NAV2: variants seen among roughly 807,000 people sequenced by gnomAD.
The protein encoded by NAV2 is neuron navigator 2, also known as helicase, APC down-regulated 1.
In NAV2, 54 loss-of-function variants were observed where a neutral mutation model predicts 223.2. The observed-to-expected ratio is 0.24, with a 90% CI of 0.19 to 0.30. The LOEUF (loss-of-function observed/expected upper bound fraction) is 0.30. Ranked by LOEUF, NAV2 falls within the 10% of genes least tolerant of loss-of-function variation. The pLI is 1.00. For missense variants in NAV2, 2,806 were observed against 3,147.5 expected (o/e 0.89, Z 2.60); for synonymous variants, 1,279 against 1,239.3 (o/e 1.03, Z -0.67).
chr11:19,477,435 A>T (rs1425024031), intron 1 of NAV2, among the ~76,000 whole-genome samples: 1 of 152,192 alleles, frequency 6.6e-6, no homozygotes, highest in Admixed American at 6.5e-5. Context: ...CTGAGGTATA[A>T]GTTCCTACCT....
chr11:19,790,566 C>T (rs2152723652), intron 1 of NAV2, among the ~76,000 whole-genome samples: 1 of 152,312 alleles, frequency 6.6e-6, no homozygotes, highest in Admixed American at 6.5e-5. Flanking sequence ...GAAACTGCTG[C>T]TTATTAGCTG....
At chr11:19,378,506 C>T (rs1486542045) in intron 1 of NAV2, among the ~76,000 whole-genome samples, 2 of 151,858 alleles carry the variant, frequency 1.3e-5, no homozygotes, top group Non-Finnish European at 2.9e-5. Flanking sequence ...ACGGAATCAG[C>T]GCGCACCCTT....
intron 36 of NAV2, among the ~76,000 whole-genome samples, chr11:20,112,508 T>C (rs2062720345): frequency 6.6e-6 from 1 of 152,074 alleles, no homozygotes; most frequent in Non-Finnish European, 1.5e-5. Context: ...AAATCATAGC[T>C]AGAGGTCCCA....
rs560137665 is a variant in NAV2, at chr11:19,892,365, G to C, written c.771-69G>C. On this transcript the variant is annotated intron_variant, in intron 5 of 37. Coordinates refer to ENST00000349880, the MANE Select transcript of NAV2 (RefSeq NM_145117.5). ...TTCTTTTGCCTCCTGCATGGTTGCA[G>C]TTCCTTCTTCCTACACACTGTTATT... The C allele has an allele frequency of 1.1e-5, 17 of 1,486,938 alleles. No individual in the cohort carries two copies. In the African/African-American group the frequency reaches 2.2e-4, roughly 19 times the overall value. 92.1% of individuals were successfully genotyped at this position (1,486,938 alleles called of 1,614,324 possible). A position where few individuals can be genotyped will look rare whatever the true frequency, so the allele number is the denominator to read the frequency against.
chr11:19,669,413 T>C (rs1443004277), intron 1 of NAV2, among the ~76,000 whole-genome samples: 1 of 152,250 alleles, frequency 6.6e-6, no homozygotes, highest in Non-Finnish European at 1.5e-5. Context: ...GTTGGGCAAG[T>C]GACTTACCCT....
intron 1 of NAV2, among the ~76,000 whole-genome samples, chr11:19,491,717 C>T (rs1248067605): frequency 2.0e-5 from 3 of 152,204 alleles, no homozygotes; most frequent in Non-Finnish European, 2.9e-5. Context: ...ACACTTTTAA[C>T]TTCCTTCAAA....
intron 12 of NAV2, among the ~76,000 whole-genome samples, chr11:20,037,888 C>A (rs2056542575): frequency 6.7e-6 from 1 of 149,098 alleles, no homozygotes; most frequent in Non-Finnish European, 1.5e-5. Context: ...TAAGAACAAC[C>A]AGACTGTCCT....
chr11:19,361,715 T>C (rs566930829), intron 1 of NAV2, among the ~76,000 whole-genome samples: 2 of 152,250 alleles, frequency 1.3e-5, no homozygotes, highest in Admixed American at 1.3e-4. Context: ...GGGCCTGCCA[T>C]AGGACAGCAA....
At chr11:19,741,582 C>T (rs1312680109) in intron 1 of NAV2, among the ~76,000 whole-genome samples, 2 of 148,358 alleles carry the variant, frequency 1.3e-5, no homozygotes, top group Non-Finnish European at 3.0e-5. Context: ...TTCACTTAGC[C>T]TAATGTCCTG....
At chr11:19,720,683 G>T (rs902238600) in intron 1 of NAV2, among the ~76,000 whole-genome samples, 1 of 152,152 alleles carries the variant, frequency 6.6e-6, no homozygotes, top group Non-Finnish European at 1.5e-5. Context: ...CACGGATATC[G>T]ATTGAGCACA....
intron 1 of NAV2, among the ~76,000 whole-genome samples, chr11:19,586,693 G>A (rs1208992720): frequency 1.3e-5 from 2 of 152,186 alleles, no homozygotes; most frequent in African/African-American, 4.8e-5. Context: ...GCAGAACAGC[G>A]AATATTGCAG....
rs1555083741 is a variant in NAV2, at chr11:19,831,227, G to GGC, written c.268-1256_268-1255insCG. Among the ~76,000 whole-genome samples the GGC allele has an allele frequency of 5.4e-4, 61 of 112,038 alleles. 5 individuals are homozygous for GGC. Among genetic ancestry groups the GGC allele is most frequent in the African/African-American group, 2.3e-3 (60 of 26,614 alleles). 73.5% of individuals were successfully genotyped at this position (112,038 alleles called of 152,430 possible). The stretch of plus-strand genomic sequence containing the variant: ...GTTCCCATTCCAGGAGTGTTGCGGG[G>GGC]GGGGGGGGGGCGCGATGGGGAGTGG... On this transcript the variant is annotated intron_variant, in intron 1 of 37. Coordinates refer to ENST00000349880, the MANE Select transcript of NAV2 (RefSeq NM_145117.5).
chr11:20,028,467 T>A (rs115740880), intron 11 of NAV2, among the ~76,000 whole-genome samples: 196 of 152,308 alleles, frequency 1.3e-3, no homozygotes, highest in African/African-American at 4.3e-3. Context: ...AAATGCTACA[T>A]GTTGGCCAAA....
chr11:19,882,024 G>A (rs932114162), intron 5 of NAV2, among the ~76,000 whole-genome samples: 21 of 152,182 alleles, frequency 1.4e-4, no homozygotes, highest in Admixed American at 5.2e-4. Context: ...CTCAGGCCCC[G>A]TCATAGAGTA....
At chr11:19,502,972 G>T (rs1051443562) in intron 1 of NAV2, 9 of 152,168 alleles carry the variant, frequency 5.9e-5, no homozygotes, top group African/African-American at 2.2e-4. Context: ...CCAGGAGATG[G>T]GACCTGGACT....
intron 1 of NAV2, among the ~76,000 whole-genome samples, chr11:19,584,315 T>C (rs963250580): frequency 2.0e-5 from 3 of 152,176 alleles, no homozygotes; most frequent in Non-Finnish European, 4.4e-5. Flanking sequence ...TTTATTGATC[T>C]TTGCAAAAAA....
At chr11:19,862,146 A>T (rs1030956369) in intron 3 of NAV2, among the ~76,000 whole-genome samples, 1 of 151,918 alleles carries the variant, frequency 6.6e-6, no homozygotes, top group Non-Finnish European at 1.5e-5. Context: ...TCTAGAGATA[A>T]TTTTTTTTTG....
intron 1 of NAV2, among the ~76,000 whole-genome samples, chr11:19,794,984 C>T (rs535752033): frequency 8.5e-5 from 13 of 152,296 alleles, no homozygotes; most frequent in African/African-American, 2.6e-4. Flanking sequence ...AAAGGCCTAG[C>T]GGCATCTTTC....
intron 1 of NAV2, among the ~76,000 whole-genome samples, chr11:19,497,609 C>G (rs2042838242): frequency 6.6e-6 from 1 of 152,156 alleles, no homozygotes; most frequent in Admixed American, 6.5e-5. Flanking sequence ...AGCTGCAGGC[C>G]TTGGCCTCAG....
Sources: gnomAD v4.1 joint callset for allele counts (sites outside exome capture counted in the v4.1 genomes callset) on GRCh38, gnomAD v4.1.1 for gene constraint, MANE v1.5 for transcripts, NCBI Gene and HGNC (gene_info 2026-07-23, HGNC 2026-07-21) for gene names.